Variants in PCDH10 observed in about 807,000 individuals in gnomAD.
PCDH10 encodes the protein protocadherin 10, also known as protocadherin-10.
A neutral mutation model predicts 74.4 loss-of-function variants in PCDH10; 15 were observed. That is an observed-to-expected ratio of 0.20 (90% CI 0.13 to 0.31). PCDH10 has a LOEUF of 0.31. PCDH10 is among the 10% of genes least tolerant of loss of function. The pLI is 1.00. For missense variants in PCDH10, 1,260 were observed against 1,390.2 expected (o/e 0.91, Z 1.49); for synonymous variants, 619 against 589.8 (o/e 1.05, Z -0.72).
chr4:133,203,847 A>T (rs1727951443), intron 2 of PCDH10, among the ~76,000 whole-genome samples: 2 of 152,050 alleles, frequency 1.3e-5, no homozygotes, highest in South Asian at 4.1e-4. Context: ...AGGGAATGCC[A>T]CTCAAATCTC....
intron 4 of PCDH10, among the ~76,000 whole-genome samples, chr4:133,175,109 A>G (rs1168841798): frequency 6.6e-6 from 1 of 152,022 alleles, no homozygotes; most frequent in African/African-American, 2.4e-5. Context: ...TTTCAAGGAA[A>G]CATCTAAAGT....
At chr4:133,189,218 C>A (rs1318384259) in intron 4 of PCDH10, among the ~76,000 whole-genome samples, 4 of 151,970 alleles carry the variant, frequency 2.6e-5, no homozygotes, top group African/African-American at 9.7e-5. Flanking sequence ...TACTTTGTAA[C>A]TTTTAATGAG....
In PCDH10 at chr4:133,151,358, G is replaced by A; in HGVS notation, c.1218G>A (p.Lys406=). 1 of 1,614,168 alleles carries A rather than the reference G, an allele frequency of 6.2e-7. No homozygotes were observed. Among genetic ancestry groups the A allele is most frequent in the South Asian group, 1.1e-5 (1 of 91,088 alleles). The change falls in exon 1 of 5, where the codon AAG becomes AAA. Residue 406 remains lysine (K), a synonymous_variant. Transcript: ENST00000264360. Reference sequence around the variant, plus strand: ...TGGGAGACGTGCCTTTCCGCCTCAAGTCTTCCTTTAAGAATTACTACACCA... The same window carrying A: ...TGGGAGACGTGCCTTTCCGCCTCAAATCTTCCTTTAAGAATTACTACACCA... ...ELLGDVPFRL[K]SSFKNYYTIV...
chr4:133,157,364 A>G (rs1429178279), intron 3 of PCDH10, among the ~76,000 whole-genome samples: 9 of 152,218 alleles, frequency 5.9e-5, no homozygotes, highest in Admixed American at 5.2e-4. Context: ...GTTATGTACT[A>G]TAAACCTCAC....
At chr4:133,183,806 C>A (rs1255093985) in intron 4 of PCDH10, among the ~76,000 whole-genome samples, 1 of 152,018 alleles carries the variant, frequency 6.6e-6, no homozygotes, top group African/African-American at 2.4e-5. Flanking sequence ...GGAGAGATGG[C>A]CAACTATTTA....
At chr4:133,154,260 C>T in intron 1 of PCDH10, 47 bp from the exon 2 acceptor site, 5 of 1,205,330 alleles carry the variant, frequency 4.1e-6, no homozygotes, top group Non-Finnish European at 6.1e-6. Context: ...ACTGCTAGTT[C>T]AACCCATAGC....
At position 133,194,272 on chromosome 4, in the gene PCDH10, A is replaced by T. The variant is rs950211566; in HGVS notation, c.*4112A>T. The T allele has an allele frequency of 6.6e-6, 1 of 151,844 alleles. No homozygotes were observed. The highest frequency in any genetic ancestry group is 2.4e-5 in the African/African-American group (1 of 41,440). 9.4% of individuals were successfully genotyped at this position (151,844 alleles called of 1,614,324 possible). ...CTTAGTTTGAAGTTTTACTCTCCAGATGTTTTTGAGTTGCATAAAAATCTT... is the reference window on the plus strand; with the variant it reads ...CTTAGTTTGAAGTTTTACTCTCCAGTTGTTTTTGAGTTGCATAAAAATCTT... On this transcript the variant is annotated 3_prime_UTR_variant, in exon 5 of 5. Transcript: ENST00000264360.
intron 1 of PCDH10, 64 bp from the exon 2 acceptor site, chr4:133,154,243 A>G (rs1726809931): frequency 9.9e-7 from 1 of 1,013,276 alleles, no homozygotes; most frequent in East Asian, 2.4e-5. Flanking sequence ...CCTAACCTCA[A>G]AAGTAGACTG....
At chr4:133,166,235 A>G (rs1727078194) in intron 4 of PCDH10, among the ~76,000 whole-genome samples, 3 of 151,626 alleles carry the variant, frequency 2.0e-5, no homozygotes, top group Admixed American at 6.6e-5. Flanking sequence ...CCGTATTTAG[A>G]TTTACCTTAA....
rs540330271 is a variant in PCDH10, at chr4:133,174,262, A to G, written c.3103+10980A>G. Among the ~76,000 whole-genome samples, 53 of 152,136 alleles carry G rather than the reference A, an allele frequency of 3.5e-4. 2 individuals are homozygous for G. The South Asian group carries it at 0.01, about 30-fold the overall frequency. ...CTTTCTTCATCACTTTGGAAGATAT[A>G]GAAAGCAGATCTTATATGCCATATA... is the stretch of plus-strand genomic sequence containing the variant. On this transcript the variant is annotated intron_variant, in intron 4 of 4. Coordinates refer to ENST00000264360, the MANE Select transcript of PCDH10 (RefSeq NM_032961.3).
At chr4:133,173,820 G>C (rs1365214902) in intron 4 of PCDH10, among the ~76,000 whole-genome samples, 2 of 151,656 alleles carry the variant, frequency 1.3e-5, no homozygotes, top group Non-Finnish European at 3.0e-5. Context: ...GTTTTAGAAA[G>C]AGATTTGGGG....
chr4:133,164,076 A>G (rs992937541), intron 4 of PCDH10: 1 of 452,874 alleles, frequency 2.2e-6, no homozygotes, highest in South Asian at 1.6e-5. Flanking sequence ...TGTTTTATGA[A>G]GGATTGTTTT....
In PCDH10 at chr4:133,151,081, G is replaced by T; in HGVS notation, c.941G>T (p.Gly314Val). The T allele has an allele frequency of 6.2e-7, 1 of 1,614,102 alleles. No homozygotes were observed. Residue 314 changes from glycine (G) to valine (V), a missense_variant, in exon 1 of 5, where the codon GGC becomes GTC. Transcript: ENST00000264360. ...CGCACTGGCAGACTGGAGGTAAGCG[G>T]CGAGTTGGACTATGAAGAGAGCCCA... ...SPRTGRLEVS[G>V]ELDYEESPVY... is the part of the protein sequence containing the mutation.
chr4:133,173,717 T>G (rs1470120874), intron 4 of PCDH10, among the ~76,000 whole-genome samples: 1 of 140,686 alleles, frequency 7.1e-6, no homozygotes, highest in Non-Finnish European at 1.5e-5. Flanking sequence ...GGAAAAAGAT[T>G]TAGTTTCTTA....
chr4:133,202,714 G>A (rs755659227), intron 2 of PCDH10, among the ~76,000 whole-genome samples: 11 of 152,076 alleles, frequency 7.2e-5, no homozygotes, highest in Non-Finnish European at 1.5e-4. Flanking sequence ...CTTATGTTTG[G>A]CCAGTTATGC....
At chr4:133,205,152 A>C (rs566773880) in intron 2 of PCDH10, among the ~76,000 whole-genome samples, 2 of 152,220 alleles carry the variant, frequency 1.3e-5, no homozygotes, top group South Asian at 4.1e-4. Flanking sequence ...TGGGAAGGGA[A>C]CTTGAAGTTA....
chr4:133,154,462 A>G, intron 2 of PCDH10, 97 bp downstream of exon 2: 1 of 674,524 alleles, frequency 1.5e-6, no homozygotes, highest in South Asian at 2.1e-5. Flanking sequence ...TGAAATGTAT[A>G]AAATATTTTC....
At chr4:133,154,832 C>T (rs1726829637) in intron 2 of PCDH10, 85 bp from the exon 3 acceptor site, 1 of 928,692 alleles carries the variant, frequency 1.1e-6, no homozygotes, top group East Asian at 2.4e-5. Context: ...TCTGCAGCAC[C>T]ATCTGTGACC....
chr4:133,152,841 TGTATCTCTG>T (rs1726768653), intron 1 of PCDH10, 70 bp downstream of exon 1: 2 of 1,597,934 alleles, frequency 1.3e-6, no homozygotes, highest in Non-Finnish European at 8.5e-7. Flanking sequence ...GCCCGGCCCT[TGTATCTCTG>T]GTGCACTGTA....
Sources: allele counts gnomAD v4.1 joint callset (sites outside exome capture counted in the v4.1 genomes callset), GRCh38; gene constraint gnomAD v4.1.1; transcripts MANE v1.5; gene names NCBI Gene and HGNC (gene_info 2026-07-23, HGNC 2026-07-21).